SYNE2: variants seen among roughly 807,000 people sequenced by gnomAD.
The protein encoded by SYNE2 is spectrin repeat containing nuclear envelope protein 2.
SYNE2 carries 431 observed loss-of-function variants against 856.3 expected under a neutral mutation model. The observed-to-expected ratio is 0.50, with a 90% confidence interval of 0.47 to 0.55. SYNE2 has a LOEUF of 0.55. Ranked by LOEUF, SYNE2 falls within the 20% of genes least tolerant of loss-of-function variation. SYNE2 has a pLI of 0.00. For synonymous variants in SYNE2, 2,923 were observed against 2,872.3 expected, an observed-to-expected ratio of 1.02 and a Z score of -0.56; for missense variants, 8,129 against 8,023.2, an observed-to-expected ratio of 1.01 and a Z score of -0.50.
In SYNE2 at chr14:64,052,817, A is replaced by G. The variant is rs2153577018; in HGVS notation, c.8904A>G (p.Leu2968=). The change falls in exon 48 of 116, where the codon TTA becomes TTG. Residue 2968 remains leucine (L), a synonymous_variant. Coordinates refer to ENST00000555002, the MANE Select transcript of SYNE2 (RefSeq NM_182914.3). ...ACAGTATACAGCGCAATGAACTATTACTTAATCAAGAAGTAAATAAAGGTG... is the reference window on the plus strand; with the variant it reads ...ACAGTATACAGCGCAATGAACTATTGCTTAATCAAGAAGTAAATAAAGGTG... ...EADSIQRNEL[L]LNQEVNKGVK... 6.2e-7 allele frequency: 1 copy of G among 1,612,692 alleles called. No individual in the cohort carries two copies. Among genetic ancestry groups the G allele is most frequent in the South Asian group, 1.1e-5 (1 of 90,338 alleles).
intron 30 of SYNE2, among the ~76,000 whole-genome samples, chr14:64,004,021 GTCCTC>G (rs1334974118): frequency 2.6e-5 from 4 of 151,382 alleles, no homozygotes; most frequent in African/African-American, 9.7e-5. Flanking sequence ...CTCCTCCCCT[GTCCTC>G]TCCTCTTTTC....
chr14:64,223,108 T>G, intron 112 of SYNE2, 81 bp from the exon 113 acceptor site: 1 of 1,478,028 alleles, frequency 6.8e-7, no homozygotes, highest in Non-Finnish European at 9.4e-7. Flanking sequence ...GGAATTTTTC[T>G]GGTACTGAGA....
At chr14:64,014,162 A>T (rs1172529652) in intron 32 of SYNE2, among the ~76,000 whole-genome samples, 1 of 152,198 alleles carries the variant, frequency 6.6e-6, no homozygotes, top group Non-Finnish European at 1.5e-5. Flanking sequence ...ACATAGCATT[A>T]TTCTGTGGAG....
chr14:63,890,107 A>G (rs1020806728), intron 1 of SYNE2, among the ~76,000 whole-genome samples: 3 of 125,366 alleles, frequency 2.4e-5, no homozygotes, highest in Non-Finnish European at 4.7e-5. Flanking sequence ...CCTCGGCTGT[A>G]TGGAGTCCAG....
At chr14:63,855,960 C>T (rs1891605921) in intron 1 of SYNE2, among the ~76,000 whole-genome samples, 1 of 152,130 alleles carries the variant, frequency 6.6e-6, no homozygotes, top group South Asian at 2.1e-4. Flanking sequence ...GTGGAAGTGA[C>T]ATTTAACTGA....
In SYNE2 at chr14:63,946,458, GAGATAT is replaced by G. The variant is rs199927219; in HGVS notation, c.409-3355_409-3350del. ...AACATACACATACACATATATACTG[GAGATAT>G]AGATATAGATACACAGACATACACA... On this transcript the variant is annotated intron_variant, in intron 6 of 115. Transcript: ENST00000555002. Among the ~76,000 whole-genome samples the G allele has an allele frequency of 9.4e-3, 1,408 of 150,576 alleles. 10 individuals are homozygous for G. Among genetic ancestry groups the G allele is most frequent in the Non-Finnish European group, 0.015 (1,032 of 67,684 alleles).
chr14:64,116,852 T>G (rs2097857091), intron 66 of SYNE2, among the ~76,000 whole-genome samples: 1 of 152,166 alleles, frequency 6.6e-6, no homozygotes, highest in South Asian at 2.1e-4. Flanking sequence ...TCATGGGATA[T>G]CAACTTGTAG....
intron 1 of SYNE2, among the ~76,000 whole-genome samples, chr14:63,802,864 C>T (rs1331147687): frequency 3.3e-5 from 5 of 151,802 alleles, no homozygotes; most frequent in African/African-American, 9.7e-5. Flanking sequence ...CTGGTGGGCT[C>T]GTGGTCTCCC....
At chr14:63,939,334 G>C (rs1485206844) in intron 2 of SYNE2, among the ~76,000 whole-genome samples, 3 of 107,524 alleles carry the variant, frequency 2.8e-5, no homozygotes, top group Non-Finnish European at 4.4e-5. Flanking sequence ...ACTCCTACCT[G>C]GATTTTTTTT....
chr14:64,025,898 T>A (rs2096974286), intron 41 of SYNE2, among the ~76,000 whole-genome samples: 1 of 152,034 alleles, frequency 6.6e-6, no homozygotes, highest in Admixed American at 6.6e-5. Flanking sequence ...TAAGGGGAGA[T>A]TCAGTAAACA....
chr14:63,829,439 A>C (rs891477519), intron 1 of SYNE2, among the ~76,000 whole-genome samples: 28 of 152,142 alleles, frequency 1.8e-4, no homozygotes, highest in Non-Finnish European at 3.4e-4. Context: ...ACAAAAAAAA[A>C]CAAAAAAAGT....
At chr14:64,016,698 T>G (rs928200232) in intron 33 of SYNE2, 67 bp downstream of exon 33, 16 of 1,060,262 alleles carry the variant, frequency 1.5e-5, no homozygotes, top group Non-Finnish European at 2.1e-5. Context: ...TCTTTAGTAT[T>G]TTTATTTAAT....
chr14:63,865,585 T>C (rs534994685), intron 1 of SYNE2, among the ~76,000 whole-genome samples: 39 of 151,658 alleles, frequency 2.6e-4, no homozygotes, highest in Non-Finnish European at 5.2e-4. Context: ...GGTTTCACCA[T>C]GTTGAGCAGG....
Position 63,909,117 on chromosome 14 carries a change from T to C in SYNE2, c.-32T>C. The C allele has an allele frequency of 1.4e-6, 2 of 1,456,458 alleles. No homozygotes were observed. Among genetic ancestry groups the C allele is most frequent in the Non-Finnish European group, 1.9e-6 (2 of 1,036,328 alleles). 90.2% of individuals were successfully genotyped at this position (1,456,458 alleles called of 1,614,324 possible). A position where few individuals can be genotyped will look rare whatever the true frequency, so the allele number is the denominator to read the frequency against. Reference sequence around the variant, plus strand: ...TTTCAGTTCACTTCTTCAACTGAGATGGACATGATATAATCTCCATTGAGT... The same window carrying C: ...TTTCAGTTCACTTCTTCAACTGAGACGGACATGATATAATCTCCATTGAGT... On this transcript the variant is annotated 5_prime_UTR_variant, in exon 2 of 116. It removes an upstream start codon present in the reference 5' UTR. Coordinates refer to ENST00000555002, the MANE Select transcript of SYNE2 (RefSeq NM_182914.3).
At chr14:64,162,018 C>G in intron 87 of SYNE2, 54 bp from the exon 88 acceptor site, 3 of 1,600,098 alleles carry the variant, frequency 1.9e-6, no homozygotes, top group Non-Finnish European at 1.7e-6. Context: ...ATTGTACTTT[C>G]GCTACAAGAG....
rs2097951590 is a variant in SYNE2 at position 64,126,892 on chromosome 14, AT to A, written c.13917+88del. 2.2e-6 allele frequency: 3 copies of A among 1,362,524 alleles called. No homozygotes were observed. In the South Asian group the frequency reaches 3.6e-5, roughly 16 times the overall value. The allele number at this position is 1,362,524 out of a possible 1,614,324, so 84.4% of individuals were successfully genotyped here. ...AATGCCTATTCCTATTCCTGGTGAC[AT>A]TTGTTAATAAGAATTGCTAAGGGAA... is the stretch of plus-strand genomic sequence containing the variant. On this transcript the variant is annotated intron_variant, in intron 73 of 115. Transcript: ENST00000555002.
rs373096021 is a variant in SYNE2 at position 63,862,793 on chromosome 14, T to G, written c.-52+9650T>G. Among the ~76,000 whole-genome samples the G allele has an allele frequency of 6.3e-4, 96 of 151,968 alleles. 2 individuals are homozygous for G. In the East Asian group the frequency reaches 0.011, roughly 18 times the overall value. On this transcript the variant is annotated intron_variant, in intron 1 of 115. Transcript: ENST00000555002. ...AAGGTTTTGGGGCAGTTTTGTTTTTTTTTTGTTTTGTTTTGTTTTTTTGGA... is the reference window on the plus strand; with the variant it reads ...AAGGTTTTGGGGCAGTTTTGTTTTTGTTTTGTTTTGTTTTGTTTTTTTGGA...
chr14:63,985,147 T>G (rs370992191), intron 18 of SYNE2, among the ~76,000 whole-genome samples: 1 of 152,114 alleles, frequency 6.6e-6, no homozygotes, highest in African/African-American at 2.4e-5. Flanking sequence ...CTGGCCAACG[T>G]GGTGAAACCC....
chr14:63,827,661 GAAAAAGAA>G (rs1455135880), intron 1 of SYNE2, among the ~76,000 whole-genome samples: 27 of 95,682 alleles, frequency 2.8e-4, no homozygotes, highest in African/African-American at 9.0e-4. Flanking sequence ...AAAAAAGAAA[GAAAAAGAA>G]AAAAAGAAAA....
Sources: gnomAD v4.1 joint callset for allele counts (sites outside exome capture counted in the v4.1 genomes callset) on GRCh38, gnomAD v4.1.1 for gene constraint, MANE v1.5 for transcripts, NCBI Gene and HGNC (gene_info 2026-07-23, HGNC 2026-07-21) for gene names.